ZBTB16: variants seen among roughly 807,000 people sequenced by gnomAD.
ZBTB16 encodes zinc finger and BTB domain-containing protein 16.
A neutral mutation model predicts 56.8 loss-of-function variants in ZBTB16; 8 were observed. That is an observed-to-expected ratio of 0.14 (90% confidence interval 0.08 to 0.25). The LOEUF is 0.25. ZBTB16 is among the 10% of genes least tolerant of loss of function. ZBTB16 has a pLI of 1.00. For synonymous variants in ZBTB16, 363 were observed against 368.5 expected (o/e 0.98, Z 0.17); for missense variants, 625 against 903.0 (o/e 0.69, Z 3.95).
chr11:114,126,092 A>G (rs1941501436), intron 2 of ZBTB16, among the ~76,000 whole-genome samples: 1 of 152,132 alleles, frequency 6.6e-6, no homozygotes, highest in South Asian at 2.1e-4. Flanking sequence ...CTAGATGGAA[A>G]GGTTGGAACA....
intron 2 of ZBTB16, among the ~76,000 whole-genome samples, chr11:114,133,017 C>T (rs1220401174): frequency 1.3e-5 from 2 of 152,096 alleles, no homozygotes; most frequent in East Asian, 1.9e-4. Context: ...CTCTTCCATG[C>T]GGCAATGAAT....
intron 4 of ZBTB16, among the ~76,000 whole-genome samples, chr11:114,238,215 G>A (rs549838177): frequency 1.1e-4 from 17 of 152,276 alleles, no homozygotes; most frequent in Admixed American, 3.3e-4. Flanking sequence ...CAGCCCTCTC[G>A]CTGCTTCTAA....
At chr11:114,089,424 T>C (rs921856729) in intron 2 of ZBTB16, among the ~76,000 whole-genome samples, 3 of 152,216 alleles carry the variant, frequency 2.0e-5, no homozygotes, top group Non-Finnish European at 4.4e-5. Context: ...TTAGGAAGAT[T>C]GGAAGATCAT....
At chr11:114,175,974 GA>G in intron 3 of ZBTB16, among the ~76,000 whole-genome samples, 1 of 135,288 alleles carries the variant, frequency 7.4e-6, no homozygotes, top group East Asian at 2.2e-4. Flanking sequence ...ACTCAGGGGA[GA>G]GGGGTGTGTG....
chr11:114,127,721 A>G (rs994494748), intron 2 of ZBTB16, among the ~76,000 whole-genome samples: 2 of 152,176 alleles, frequency 1.3e-5, no homozygotes, highest in Non-Finnish European at 2.9e-5. Flanking sequence ...GAACTCAGAA[A>G]GGGGCCTACT....
intron 2 of ZBTB16, among the ~76,000 whole-genome samples, chr11:114,148,444 T>TCC: frequency 3.0e-5 from 2 of 67,144 alleles, no homozygotes; most frequent in Non-Finnish European, 6.9e-5. Flanking sequence ...TCTTTCTCTC[T>TCC]CTCTGTCTGT....
chr11:114,151,670 C>A (rs949815729), intron 2 of ZBTB16, among the ~76,000 whole-genome samples: 23 of 152,226 alleles, frequency 1.5e-4, no homozygotes, highest in Non-Finnish European at 5.9e-5. Flanking sequence ...GTGACATTGG[C>A]AGTGCTGGGA....
chr11:114,069,910 T>C (rs1355828265), intron 2 of ZBTB16, among the ~76,000 whole-genome samples: 1 of 152,140 alleles, frequency 6.6e-6, no homozygotes, highest in Non-Finnish European at 1.5e-5. Context: ...CTCTGAAAAC[T>C]AAAAAGTTTG....
At chr11:114,080,423 A>G (rs997170750) in intron 2 of ZBTB16, among the ~76,000 whole-genome samples, 7 of 151,912 alleles carry the variant, frequency 4.6e-5, no homozygotes, top group Middle Eastern at 6.8e-3. Flanking sequence ...TGAGCTGCAC[A>G]TGCTCGCTCT....
Position 114,143,158 on chromosome 11 carries a change from G to C in ZBTB16, c.1269-13179G>C, listed in dbSNP as rs1016546165. Among the ~76,000 whole-genome samples, 1 of 152,158 alleles carries C rather than the reference G, an allele frequency of 6.6e-6. No individual in the cohort carries two copies. Among genetic ancestry groups the C allele is most frequent in the African/African-American group, 2.4e-5 (1 of 41,424 alleles). On this transcript the variant is annotated intron_variant, in intron 2 of 6. Transcript: ENST00000335953. This position sits in a 1 kb window ranked among gnomAD's most constrained non-coding sequence, Gnocchi z 6.4. ...TGCTGGCTGATGAGGGTGAGGAGCG[G>C]TGGGTACCCGGCTCTAAGCAATATG... is the stretch of plus-strand genomic sequence containing the variant.
At chr11:114,073,899 A>G (rs1023129874) in intron 2 of ZBTB16, among the ~76,000 whole-genome samples, 1 of 152,206 alleles carries the variant, frequency 6.6e-6, no homozygotes, top group Admixed American at 6.5e-5. Flanking sequence ...TGCTGAGAAC[A>G]AGTCAAATGT....
chr11:114,118,259 C>T (rs556033480), intron 2 of ZBTB16, among the ~76,000 whole-genome samples: 1 of 152,282 alleles, frequency 6.6e-6, no homozygotes, highest in African/African-American at 2.4e-5. Flanking sequence ...TCACCGCAAC[C>T]TCCACCTCCT....
At chr11:114,247,390 G>A in intron 6 of ZBTB16, 25 bp downstream of exon 6, 1 of 1,613,964 alleles carries the variant, frequency 6.2e-7, no homozygotes, top group Non-Finnish European at 8.5e-7. Context: ...GGAGGGGCCT[G>A]AGCTGGCTCT....
rs142973158 is a variant in ZBTB16, at chr11:114,064,666, C to G, written c.1268+98C>G. On this transcript the variant is annotated intron_variant, in intron 2 of 6. Coordinates refer to ENST00000335953, the MANE Select transcript of ZBTB16 (RefSeq NM_006006.6). This position sits in a 1 kb window ranked among gnomAD's most constrained non-coding sequence, Gnocchi z 4.2. ...CTCCCAAGTTAGGGGCCTGGCTCCC[C>G]TGTCTTGGCAATTTGTGAAAAAACC... The G allele has an allele frequency of 6.8e-7, 1 of 1,467,878 alleles. No individual in the cohort carries two copies. Among genetic ancestry groups the G allele is most frequent in the East Asian group, 2.4e-5 (1 of 41,248 alleles). 90.9% of individuals were successfully genotyped at this position (1,467,878 alleles called of 1,614,324 possible).
At chr11:114,075,295 A>C (rs1174196939) in intron 2 of ZBTB16, among the ~76,000 whole-genome samples, 2 of 152,096 alleles carry the variant, frequency 1.3e-5, no homozygotes, top group Non-Finnish European at 2.9e-5. Flanking sequence ...CTGTGAGATG[A>C]AGTTAATAAC....
At chr11:114,174,817 C>G (rs1943065157) in intron 3 of ZBTB16, among the ~76,000 whole-genome samples, 1 of 152,184 alleles carries the variant, frequency 6.6e-6, no homozygotes. Flanking sequence ...TTCTCTTTTC[C>G]TGGAAACTCC....
At chr11:114,080,814 C>T (rs559304132) in intron 2 of ZBTB16, among the ~76,000 whole-genome samples, 1 of 152,298 alleles carries the variant, frequency 6.6e-6, no homozygotes, top group Non-Finnish European at 1.5e-5. Context: ...TGTTTATTTT[C>T]GGAAGGTTGA....
intron 2 of ZBTB16, among the ~76,000 whole-genome samples, chr11:114,138,237 A>T (rs554108451): frequency 6.6e-6 from 1 of 152,260 alleles, no homozygotes; most frequent in South Asian, 2.1e-4. Context: ...CATATTATTC[A>T]TATTTCGAGC....
chr11:114,123,339 A>G (rs1411798064), intron 2 of ZBTB16, among the ~76,000 whole-genome samples: 1 of 152,182 alleles, frequency 6.6e-6, no homozygotes, highest in Non-Finnish European at 1.5e-5. Flanking sequence ...AGACCAGTGC[A>G]GATGAAAAGG....
Sources: allele counts gnomAD v4.1 joint callset (sites outside exome capture counted in the v4.1 genomes callset), GRCh38; gene constraint gnomAD v4.1.1; non-coding constraint Gnocchi (gnomAD v3.1); transcripts MANE v1.5; gene names NCBI Gene and HGNC (gene_info 2026-07-23, HGNC 2026-07-21).